Variants in WRAP73 observed in about 807,000 individuals in gnomAD.
The protein encoded by WRAP73 is WD repeat-containing protein WRAP73.
In WRAP73, 55 loss-of-function variants were observed where a neutral mutation model predicts 59.6. That is an observed-to-expected ratio of 0.92 (90% CI 0.74 to 1.15). The LOEUF is 1.15. WRAP73 is among the 50% of genes most tolerant of loss of function. The pLI is 0.00. For synonymous variants in WRAP73, 265 were observed against 258.2 expected, an observed-to-expected ratio of 1.03 and a Z score of -0.25; for missense variants, 592 against 608.1, an observed-to-expected ratio of 0.97 and a Z score of 0.28.
chr1:3,631,494 G>A lies in WRAP73; in HGVS notation c.1212C>T (p.Gly404=). Residue 404 remains glycine (G), a synonymous_variant, in exon 11 of 12, where the codon GGC becomes GGT. Transcript: ENST00000270708. ...CCCCAGGCACCTGCACCGACATGCA[G>A]CCCGCTGGGGACCACAGGTAGAGCC... ...GSRLYLWSPA[G]CMSVQVPGEG... 6.2e-7 allele frequency: 1 copy of A among 1,606,630 alleles called. No individual in the cohort carries two copies. The highest frequency in any genetic ancestry group is 1.1e-5 in the South Asian group (1 of 90,020).
intron 1 of WRAP73, among the ~76,000 whole-genome samples, chr1:3,648,895 T>C (rs1644714632): frequency 6.6e-6 from 1 of 152,214 alleles, no homozygotes; most frequent in Non-Finnish European, 1.5e-5. Flanking sequence ...TGATGCTATT[T>C]TATGTGATTT....
chr1:3,649,648 C>T (rs897036971), intron 1 of WRAP73, among the ~76,000 whole-genome samples: 4 of 150,920 alleles, frequency 2.7e-5, no homozygotes, highest in Non-Finnish European at 5.9e-5. Flanking sequence ...CTGCCTGGGC[C>T]CCGCACCTGC....
At chr1:3,648,887 A>G (rs377473552) in intron 1 of WRAP73, among the ~76,000 whole-genome samples, 21 of 152,232 alleles carry the variant, frequency 1.4e-4, no homozygotes, top group African/African-American at 5.1e-4. Context: ...TTTGTAGCTG[A>G]TGCTATTTTA....
At chr1:3,636,887 C>T in intron 5 of WRAP73, 108 bp downstream of exon 5, 2 of 1,160,868 alleles carry the variant, frequency 1.7e-6, no homozygotes, top group Non-Finnish European at 2.5e-6. Context: ...ACAACATCAC[C>T]TTGCTCCATA....
intron 3 of WRAP73, among the ~76,000 whole-genome samples, chr1:3,640,376 C>T (rs1283925195): frequency 6.6e-6 from 1 of 152,218 alleles, no homozygotes; most frequent in Admixed American, 6.5e-5. Context: ...GGTGCAGCGC[C>T]TGAGGCTCTG....
Position 3,646,854 on chromosome 1 carries a change from T to C in WRAP73, c.223-72A>G. The C allele has an allele frequency of 1.4e-6, 2 of 1,398,348 alleles. No individual in the cohort carries two copies. Among genetic ancestry groups the C allele is most frequent in the East Asian group, 4.6e-5 (2 of 43,552 alleles). The allele number at this position is 1,398,348 out of a possible 1,614,324, so 86.6% of individuals were successfully genotyped here. ...CCGAGAGACAGCGAGGACAGCTCGCTTAAACGCAGCGGAGACCCGACCGCA... is the reference window on the plus strand; with the variant it reads ...CCGAGAGACAGCGAGGACAGCTCGCCTAAACGCAGCGGAGACCCGACCGCA... On this transcript the variant is annotated intron_variant, in intron 2 of 11. Coordinates refer to ENST00000270708, the MANE Select transcript of WRAP73 (RefSeq NM_017818.4). This position sits in a 1 kb window ranked among gnomAD's most constrained non-coding sequence, Gnocchi z 5.1.
chr1:3,647,820 G>C (rs1319632807), intron 1 of WRAP73, among the ~76,000 whole-genome samples: 1 of 152,204 alleles, frequency 6.6e-6, no homozygotes, highest in Non-Finnish European at 1.5e-5. Flanking sequence ...GCTACTTAAA[G>C]CTTTAAGACA....
At chr1:3,648,275 C>A (rs898037200) in intron 1 of WRAP73, among the ~76,000 whole-genome samples, 7 of 152,190 alleles carry the variant, frequency 4.6e-5, no homozygotes, top group Non-Finnish European at 1.0e-4. Flanking sequence ...TGAGTACTCA[C>A]CTGCTGAATG....
intron 9 of WRAP73, 165 bp from the exon 10 acceptor site, chr1:3,632,503 C>G: frequency 8.9e-7 from 1 of 1,123,422 alleles, no homozygotes; most frequent in African/African-American, 1.5e-5. Flanking sequence ...AGCCTGGCAG[C>G]CGCAGCGAGG....
chr1:3,633,522 C>G lies in WRAP73; in HGVS notation c.817-19G>C. 6.4e-7 allele frequency: 1 copy of G among 1,562,476 alleles called. No homozygotes were observed. The highest frequency in any genetic ancestry group is 1.2e-5 in the South Asian group (1 of 85,486). On this transcript the variant is annotated intron_variant, in intron 8 of 11. Transcript: ENST00000270708. ...ACACCACCTGAAAGACACAAGGTGG[C>G]CACGCCCGGCTCAGGACAGGGACCC...
chr1:3,631,792 GT>G lies in WRAP73; in HGVS notation c.1049-136del. The G allele has an allele frequency of 2.1e-6, 3 of 1,441,982 alleles. No individual in the cohort carries two copies. In the South Asian group the frequency reaches 4.4e-5, roughly 21 times the overall value. The allele number at this position is 1,441,982 out of a possible 1,614,324, so 89.3% of individuals were successfully genotyped here. ...TGGGGTGGGGCGGCTGCACCCTGCA[GT>G]CTGGGTTCAGTTGGGCCCTGTAGGG... On this transcript the variant is annotated intron_variant, in intron 10 of 11. Coordinates refer to ENST00000270708, the MANE Select transcript of WRAP73 (RefSeq NM_017818.4).
chr1:3,645,433 G>A (rs1644680734), intron 3 of WRAP73, among the ~76,000 whole-genome samples: 1 of 105,922 alleles, frequency 9.4e-6, no homozygotes, highest in African/African-American at 2.7e-5. Flanking sequence ...GCAGCGGGAC[G>A]GGCGGGTTGC....
rs1644540873 is a variant in WRAP73 at position 3,632,065 on chromosome 1, T to C, written c.1048+148A>G. 4.0e-6 allele frequency: 6 copies of C among 1,495,852 alleles called. 1 individual carries two copies. The highest frequency in any genetic ancestry group is 4.4e-6 in the Non-Finnish European group (5 of 1,131,990). 92.7% of individuals were successfully genotyped at this position (1,495,852 alleles called of 1,614,324 possible). On this transcript the variant is annotated intron_variant, in intron 10 of 11. Coordinates refer to ENST00000270708, the MANE Select transcript of WRAP73 (RefSeq NM_017818.4). Reference sequence around the variant, plus strand: ...CAAAGGCCCAGCGCCTCCAAGGAGCTTCTGTGAGCACCTCGGCTACTGCAG... The same window carrying C: ...CAAAGGCCCAGCGCCTCCAAGGAGCCTCTGTGAGCACCTCGGCTACTGCAG...
rs114719689 is a variant in WRAP73, at chr1:3,637,103, G to T, written c.413-5C>A. 2 of 1,603,432 alleles carry T rather than the reference G, an allele frequency of 1.2e-6. No homozygotes were observed. The highest frequency in any genetic ancestry group is 2.2e-5 in the East Asian group (1 of 44,478). On this transcript the variant is annotated splice_region_variant and splice_polypyrimidine_tract_variant and intron_variant, in intron 4 of 11. Transcript: ENST00000270708. ...CGTCCCTGGTGAAGGTGATTCCTGT[G>T]GGAAGAGGCAAATGCACTGAAATCA...
chr1:3,631,224 A>G (rs1223935812), intron 11 of WRAP73, 107 bp from the exon 12 acceptor site: 10 of 1,530,840 alleles, frequency 6.5e-6, no homozygotes, highest in Non-Finnish European at 8.9e-6. Context: ...AGTGACCCAC[A>G]TAGGCAGAGC....
At chr1:3,641,568 A>G (rs1241937798) in intron 3 of WRAP73, among the ~76,000 whole-genome samples, 2 of 152,218 alleles carry the variant, frequency 1.3e-5, no homozygotes, top group East Asian at 3.8e-4. Context: ...GCCCCGCAGC[A>G]GGCACCGGCT....
rs773164870 is a variant in WRAP73 at position 3,636,020 on chromosome 1, G to T, written c.527C>A (p.Thr176Lys). 5 of 1,613,472 alleles carry T rather than the reference G, an allele frequency of 3.1e-6. No homozygotes were observed. Among genetic ancestry groups the T allele is most frequent in the Non-Finnish European group, 3.4e-6 (4 of 1,179,692 alleles). Reference protein sequence around the residue: ...SDWQLLRHFDTDTQDLTGIEW... With the variant: ...SDWQLLRHFDKDTQDLTGIEW... ...AATCCCTGTGAGATCCTGGGTGTCCGTATCAAAATGCTTCCAAAGGAAGGG... is the reference window on the plus strand; with the variant it reads ...AATCCCTGTGAGATCCTGGGTGTCCTTATCAAAATGCTTCCAAAGGAAGGG... The change falls in exon 6 of 12, where the codon ACG becomes AAG. Residue 176 changes from threonine to lysine, a missense_variant. Physicochemically the swap from Thr to Lys is moderately conservative, Grantham distance 78 (BLOSUM62 -1). Coordinates refer to ENST00000270708, the MANE Select transcript of WRAP73 (RefSeq NM_017818.4).
At chr1:3,635,109 C>T (rs781666452) in intron 7 of WRAP73, 35 bp from the exon 8 acceptor site, 1 of 1,614,014 alleles carries the variant, frequency 6.2e-7, no homozygotes. Context: ...TGAGGCAGGG[C>T]CCGGCCCGCT....
At chr1:3,647,608 AG>A in intron 1 of WRAP73, 48 bp from the exon 2 acceptor site, 2 of 1,591,118 alleles carry the variant, frequency 1.3e-6, no homozygotes, top group Non-Finnish European at 1.7e-6. Flanking sequence ...ACTCCAAAAG[AG>A]GGGGGCCTTC....
Sources: allele counts gnomAD v4.1 joint callset (sites outside exome capture counted in the v4.1 genomes callset), GRCh38; gene constraint gnomAD v4.1.1; non-coding constraint Gnocchi (gnomAD v3.1); transcripts MANE v1.5; gene names NCBI Gene and HGNC (gene_info 2026-07-23, HGNC 2026-07-21).